The following SUPT16H variants were observed in gnomAD, a reference collection of about 807,000 sequenced individuals.
SUPT16H encodes FACT complex subunit SPT16.
In SUPT16H, 24 loss-of-function variants were observed where a neutral mutation model predicts 136.2. The ratio of observed to expected loss-of-function variants is 0.18; its 90% CI spans 0.13 to 0.25. The LOEUF (loss-of-function observed/expected upper bound fraction) is 0.25, where lower values mean the gene tolerates loss of function less well. SUPT16H is among the 10% of genes least tolerant of loss of function. SUPT16H has a pLI of 1.00. For missense variants in SUPT16H, 623 were observed against 1,270.2 expected, an observed-to-expected ratio of 0.49 and a Z score of 7.74; for synonymous variants, 415 against 428.2, an observed-to-expected ratio of 0.97 and a Z score of 0.38.
chr14:21,365,414 C>G (rs1886644457), intron 8 of SUPT16H, among the ~76,000 whole-genome samples: 2 of 152,124 alleles, frequency 1.3e-5, no homozygotes, highest in African/African-American at 4.8e-5. Context: ...CTTTAACCTT[C>G]TACCATAAAA....
chr14:21,364,308 A>G (rs978613503), intron 10 of SUPT16H, among the ~76,000 whole-genome samples: 1 of 152,146 alleles, frequency 6.6e-6, no homozygotes, highest in African/African-American at 2.4e-5. Flanking sequence ...GATATTTAGC[A>G]AATCCTTAGA....
At chr14:21,361,028 A>AATAC in intron 16 of SUPT16H, 50 bp downstream of exon 16, 1 of 1,610,726 alleles carries the variant, frequency 6.2e-7, no homozygotes, top group African/African-American at 1.3e-5. Flanking sequence ...GTCTCCAAAA[A>AATAC]ATACATGTCC....
chr14:21,371,854 C>T lies in SUPT16H; in HGVS notation c.330+20G>A, dbSNP rs1566391699. ...TGAAGATTCTTCCACATTTATGACA[C>T]ATTCTTTATTAATCCTGACCTTTTC... On this transcript the variant is annotated intron_variant, in intron 3 of 25. Coordinates refer to ENST00000216297, the MANE Select transcript of SUPT16H (RefSeq NM_007192.4). 1 of 1,611,670 alleles carries T rather than the reference C, an allele frequency of 6.2e-7. No homozygotes were observed. The highest frequency in any genetic ancestry group is 1.1e-5 in the South Asian group (1 of 90,620).
At chr14:21,372,569 GT>G in intron 2 of SUPT16H, 1 of 364,930 alleles carries the variant, frequency 2.7e-6, no homozygotes, top group South Asian at 2.1e-5. Context: ...AAAAGAAAAG[GT>G]GGCCTCCTGT....
intron 25 of SUPT16H, among the ~76,000 whole-genome samples, 183 bp downstream of exon 25, chr14:21,353,305 G>C (rs1162421943): frequency 6.6e-6 from 1 of 152,154 alleles, no homozygotes; most frequent in Non-Finnish European, 1.5e-5. Flanking sequence ...TGGAGAGTAT[G>C]GACACATTCC....
chr14:21,374,671 A>G (rs1003790628), intron 1 of SUPT16H, among the ~76,000 whole-genome samples: 115 of 152,052 alleles, frequency 7.6e-4, no homozygotes, highest in Non-Finnish European at 1.3e-4. Context: ...ATTCCCTTTT[A>G]CTGCTGAATA....
rs202105610 is a variant in SUPT16H, at chr14:21,356,581, T to TA, written c.2660+615dup. Among the ~76,000 whole-genome samples, 1,157 of 151,448 alleles carry TA rather than the reference T, an allele frequency of 7.6e-3. 17 individuals carry two copies. The highest frequency in any genetic ancestry group is 0.026 in the African/African-American group (1,080 of 41,160). ...CATCCTAGAATAACCTCATCTCTAG[T>TA]AAAAAAAAATTAGCTGGGTGTGGTA... On this transcript the variant is annotated intron_variant, in intron 22 of 25. Transcript: ENST00000216297.
rs373401934 is a variant in SUPT16H, at chr14:21,364,921, T to C, written c.1139A>G (p.Asn380Ser). 31 of 1,613,940 alleles carry C rather than the reference T, an allele frequency of 1.9e-5. No homozygotes were observed. The Middle Eastern group carries it at 5.0e-4, about 26-fold the overall frequency. The change falls in exon 10 of 26, where the codon AAT becomes AGT. Residue 380 changes from asparagine to serine, a missense_variant. Coordinates refer to ENST00000216297, the MANE Select transcript of SUPT16H (RefSeq NM_007192.4). ...KLKKGMVFSI[N>S]LGFSDLTNKE... ...GTTAGTCAGGTCTGAGAATCCTAAA[T>C]TGATGCTGAAAACCATTCCTAAAAC...
chr14:21,357,499 C>A, intron 21 of SUPT16H, 133 bp from the exon 22 acceptor site: 1 of 849,664 alleles, frequency 1.2e-6, no homozygotes, highest in Non-Finnish European at 1.7e-6. Context: ...TTTTGAAAGA[C>A]TGAGGCAGTA....
rs1381280819 is a variant in SUPT16H at position 21,368,353 on chromosome 14, T to C, written c.871A>G (p.Met291Val). 11 of 1,613,970 alleles carry C rather than the reference T, an allele frequency of 6.8e-6. No homozygotes were observed. The highest frequency in any genetic ancestry group is 9.3e-6 in the Non-Finnish European group (11 of 1,179,994). The change falls in exon 7 of 26, where the codon ATG (methionine) becomes GTG (valine). Residue 291 changes from methionine (M) to valine (V), a missense_variant. By Grantham distance (21) the Met-to-Val change is conservative. Transcript: ENST00000216297. The part of the protein sequence containing the change: ...SYCSNLVRTL[M>V]VDPSQEVQEN... ...TGAACTTCTTGAGAAGGATCAACCATCAAAGTGCGAACAAGGTTGGAGCAG... is the reference window on the plus strand; with the variant it reads ...TGAACTTCTTGAGAAGGATCAACCACCAAAGTGCGAACAAGGTTGGAGCAG...
Position 21,352,616 on chromosome 14 carries a change from T to C in SUPT16H, c.*57A>G. The C allele has an allele frequency of 6.2e-7, 1 of 1,608,084 alleles. No individual in the cohort carries two copies. The highest frequency in any genetic ancestry group is 8.5e-7 in the Non-Finnish European group (1 of 1,178,444). ...GGAAAAATACAGTTTCTATGTCATGTAAAATTTTCAGGGGTTGGCTGGAGG... is the reference window on the plus strand; with the variant it reads ...GGAAAAATACAGTTTCTATGTCATGCAAAATTTTCAGGGGTTGGCTGGAGG... On this transcript the variant is annotated 3_prime_UTR_variant, in exon 26 of 26. Coordinates refer to ENST00000216297, the MANE Select transcript of SUPT16H (RefSeq NM_007192.4).
At chr14:21,362,605 T>C (rs1485855624) in intron 14 of SUPT16H, among the ~76,000 whole-genome samples, 189 bp downstream of exon 14, 3 of 152,184 alleles carry the variant, frequency 2.0e-5, no homozygotes, top group East Asian at 3.8e-4. Context: ...TAGACTAGTT[T>C]AGCTTTCTAC....
At chr14:21,362,422 G>A (rs1172358259) in intron 14 of SUPT16H, 98 bp from the exon 15 acceptor site, 16 of 1,142,372 alleles carry the variant, frequency 1.4e-5, no homozygotes, top group African/African-American at 6.3e-5. Context: ...CAAATTGACC[G>A]CTCTTAACCT....
chr14:21,378,357 A>G lies in SUPT16H; in HGVS notation c.67-4927T>C, dbSNP rs79329969. 6.7e-3 allele frequency among the ~76,000 whole-genome samples: 1,013 copies of G among 152,306 alleles called. 15 individuals are homozygous for G. The highest frequency in any genetic ancestry group is 0.054 in the East Asian group (279 of 5,186). Reference sequence around the variant, plus strand: ...TGCCAGGAAAAATAAAAAACTGTAGAAAAAAAGGAAAGTTAATCATACTTT... The same window carrying G: ...TGCCAGGAAAAATAAAAAACTGTAGGAAAAAAGGAAAGTTAATCATACTTT... On this transcript the variant is annotated intron_variant, in intron 1 of 25. Coordinates refer to ENST00000216297, the MANE Select transcript of SUPT16H (RefSeq NM_007192.4).
chr14:21,357,482 G>GTT, intron 21 of SUPT16H, 116 bp from the exon 22 acceptor site: 134 of 1,042,902 alleles, frequency 1.3e-4, no homozygotes, highest in African/African-American at 2.7e-4. Flanking sequence ...CTGTTTTTTG[G>GTT]TTTTTTTTTT....
At chr14:21,377,575 CCTT>C (rs1336055174) in intron 1 of SUPT16H, among the ~76,000 whole-genome samples, 5 of 149,822 alleles carry the variant, frequency 3.3e-5, no homozygotes, top group African/African-American at 1.2e-4. Flanking sequence ...TTCTATGCAT[CCTT>C]TTTTTTTTTT....
In SUPT16H at chr14:21,360,505, G is replaced by A. The variant is rs1886528858; in HGVS notation, c.2085C>T (p.Asp695=). The change falls in exon 18 of 26, where the codon GAC becomes GAT. Residue 695 remains aspartate, a synonymous_variant. Transcript: ENST00000216297. ...NGFRFTSVRG[D]KVDILYNNIK... is the part of the protein sequence containing the mutation. ...TATTATTGTACAAAATATCCACTTT[G>A]TCTCCTCGAACAGATGTGAAGCGGA... The A allele has an allele frequency of 1.9e-6, 3 of 1,613,888 alleles. No individual in the cohort carries two copies. Among genetic ancestry groups the A allele is most frequent in the South Asian group, 1.1e-5 (1 of 91,026 alleles).
Position 21,359,494 on chromosome 14 carries a change from T to C in SUPT16H, c.2291A>G (p.Tyr764Cys), listed in dbSNP as rs1886505871. 6.2e-7 allele frequency: 1 copy of C among 1,613,786 alleles called. No homozygotes were observed. Among genetic ancestry groups the C allele is most frequent in the Non-Finnish European group, 8.5e-7 (1 of 1,180,002 alleles). The change falls in exon 19 of 26, where the codon TAT becomes TGT. Residue 764 changes from tyrosine (Y) to cysteine (C), a missense_variant. Tyr to Cys is a radical substitution (Grantham distance 194, BLOSUM62 -2). Transcript: ENST00000216297. ...HQHMHDRDDL[Y>C]AEQMEREMRH... The stretch of plus-strand genomic sequence containing the variant: ...CTAAATTTCACAAACCTGCTCAGCA[T>C]AGAGGTCATCTCGGTCATGCATATG...
At chr14:21,380,588 G>T (rs2139421098) in intron 1 of SUPT16H, among the ~76,000 whole-genome samples, 1 of 152,144 alleles carries the variant, frequency 6.6e-6, no homozygotes, top group East Asian at 1.9e-4. Context: ...TTCTTCAAAG[G>T]CATAAAATTT....
Sources: gnomAD v4.1 joint callset for allele counts (sites outside exome capture counted in the v4.1 genomes callset) on GRCh38, gnomAD v4.1.1 for gene constraint, MANE v1.5 for transcripts, NCBI Gene and HGNC (gene_info 2026-07-23, HGNC 2026-07-21) for gene names.